The following ROR2 variants were observed in gnomAD, a reference collection of about 807,000 sequenced individuals.
The protein encoded by ROR2 is tyrosine-protein kinase transmembrane receptor ROR2.
ROR2 carries 33 observed loss-of-function variants against 74.9 expected under a neutral mutation model. That is an observed-to-expected ratio of 0.44 (90% confidence interval 0.33 to 0.59). The LOEUF is 0.59. Ranked by LOEUF, ROR2 falls within the 20% of genes least tolerant of loss-of-function variation. The pLI is 0.02. For synonymous variants in ROR2, 586 were observed against 558.7 expected, an observed-to-expected ratio of 1.05 and a Z score of -0.69; for missense variants, 1,216 against 1,313.8, an observed-to-expected ratio of 0.93 and a Z score of 1.15.
chr9:91,944,455 C>G (rs1281720165), intron 1 of ROR2, among the ~76,000 whole-genome samples: 1 of 152,158 alleles, frequency 6.6e-6, no homozygotes, highest in African/African-American at 2.4e-5. Flanking sequence ...GATGATACGA[C>G]TTTACATACA....
chr9:91,926,543 CAAA>C (rs34550588), intron 1 of ROR2, among the ~76,000 whole-genome samples: 6 of 101,134 alleles, frequency 5.9e-5, no homozygotes, highest in Admixed American at 1.2e-4. Flanking sequence ...GACTCCATCT[CAAA>C]AAAAAAAAAA....
At position 91,724,139 on chromosome 9, in the gene ROR2, G is replaced by T; in HGVS notation, c.2355C>A (p.Arg785=). The T allele has an allele frequency of 6.2e-7, 1 of 1,611,246 alleles. No homozygotes were observed. The highest frequency in any genetic ancestry group is 8.5e-7 in the Non-Finnish European group (1 of 1,179,996). ...TSPVSNVSNA[R]YVGPKQKAPP... is the part of the protein sequence containing the mutation. ...GGGCCTTCTGCTTGGGCCCCACGTA[G>T]CGGGCGTTGCTCACATTGCTCACTG... The change falls in exon 9 of 9, where the codon CGC becomes CGA. Residue 785 remains arginine, a synonymous_variant. Transcript: ENST00000375708.
At chr9:91,778,346 G>A (rs1826490705) in intron 1 of ROR2, among the ~76,000 whole-genome samples, 2 of 152,248 alleles carry the variant, frequency 1.3e-5, no homozygotes. Context: ...GGTGGTGACT[G>A]CCAACCCGAT....
chr9:91,793,437 G>A (rs1314707598), intron 1 of ROR2, among the ~76,000 whole-genome samples: 1 of 151,696 alleles, frequency 6.6e-6, no homozygotes, highest in African/African-American at 2.4e-5. Context: ...AATGATCACA[G>A]ACTTAAGCAT....
At chr9:91,799,699 C>T (rs1827309863) in intron 1 of ROR2, among the ~76,000 whole-genome samples, 1 of 152,220 alleles carries the variant, frequency 6.6e-6, no homozygotes, top group South Asian at 2.1e-4. Flanking sequence ...TGAACTGTGT[C>T]TCACATTCCT....
At chr9:91,762,286 G>T (rs1468329886) in intron 2 of ROR2, among the ~76,000 whole-genome samples, 2 of 152,156 alleles carry the variant, frequency 1.3e-5, no homozygotes, top group African/African-American at 4.8e-5. Context: ...AATCCCATTT[G>T]CAAGTTTTTA....
rs962361326 is a variant in ROR2, at chr9:91,793,376, GA to G, written c.98-17559del. On this transcript the variant is annotated intron_variant, in intron 1 of 8. Coordinates refer to ENST00000375708, the MANE Select transcript of ROR2 (RefSeq NM_004560.4). ...TCACTGGAACAGGACAGTTATTTGA[GA>G]AAAAAAAAAGCTGAAGTCCTATCTC... 1.4e-3 allele frequency among the ~76,000 whole-genome samples: 211 copies of G among 146,226 alleles called. 2 individuals carry two copies. Among genetic ancestry groups the G allele is most frequent in the African/African-American group, 4.7e-3 (187 of 40,002 alleles).
chr9:91,787,187 C>T (rs1826832492), intron 1 of ROR2, among the ~76,000 whole-genome samples: 1 of 152,200 alleles, frequency 6.6e-6, no homozygotes, highest in Admixed American at 6.5e-5. Context: ...TATACTGGCT[C>T]AGATGTGACC....
chr9:91,795,209 C>T (rs1035195485), intron 1 of ROR2, among the ~76,000 whole-genome samples: 5 of 152,128 alleles, frequency 3.3e-5, no homozygotes, highest in Admixed American at 2.6e-4. Context: ...TGCCTCTAAT[C>T]GCCCCATGCA....
At chr9:91,912,332 G>C (rs921172630) in intron 1 of ROR2, among the ~76,000 whole-genome samples, 1 of 152,152 alleles carries the variant, frequency 6.6e-6, no homozygotes, top group African/African-American at 2.4e-5. Flanking sequence ...TATTAGTACA[G>C]TAGCAAAATT....
chr9:91,789,964 A>G (rs765757395), intron 1 of ROR2, among the ~76,000 whole-genome samples: 6 of 152,214 alleles, frequency 3.9e-5, no homozygotes, highest in Non-Finnish European at 7.3e-5. Context: ...AAACACAAAT[A>G]GGTTTAAAAG....
At chr9:91,831,981 G>A (rs540336797) in intron 1 of ROR2, among the ~76,000 whole-genome samples, 4 of 152,200 alleles carry the variant, frequency 2.6e-5, no homozygotes, top group East Asian at 1.9e-4. Context: ...CCAGACCAAC[G>A]GGTGCCTCCT....
intron 1 of ROR2, among the ~76,000 whole-genome samples, chr9:91,857,012 C>T (rs1356844284): frequency 6.6e-6 from 1 of 152,214 alleles, no homozygotes; most frequent in East Asian, 1.9e-4. Context: ...CTCCAGAATC[C>T]GTGTTCACTC....
intron 1 of ROR2, among the ~76,000 whole-genome samples, chr9:91,845,274 C>A (rs921210678): frequency 6.6e-6 from 1 of 152,082 alleles, no homozygotes; most frequent in Non-Finnish European, 1.5e-5. Context: ...CAGGCCCTGA[C>A]CACCTGGTAA....
chr9:91,849,820 C>T (rs1282908597), intron 1 of ROR2, among the ~76,000 whole-genome samples: 2 of 152,172 alleles, frequency 1.3e-5, no homozygotes, highest in Non-Finnish European at 2.9e-5. Flanking sequence ...GTAGGAATAT[C>T]GTGTTTTGAA....
intron 1 of ROR2, among the ~76,000 whole-genome samples, chr9:91,812,235 T>C (rs1463085654): frequency 6.6e-6 from 1 of 152,182 alleles, no homozygotes; most frequent in Non-Finnish European, 1.5e-5. Context: ...CTTCGGCTCC[T>C]TGTGTGTGTT....
At chr9:91,937,239 C>A (rs1341514043) in intron 1 of ROR2, among the ~76,000 whole-genome samples, 2 of 152,100 alleles carry the variant, frequency 1.3e-5, no homozygotes, top group Non-Finnish European at 2.9e-5. Flanking sequence ...CACTGTTGGT[C>A]TGGCAGGAAG....
chr9:91,875,944 T>C (rs561834969), intron 1 of ROR2, among the ~76,000 whole-genome samples: 80 of 151,882 alleles, frequency 5.3e-4, no homozygotes, highest in African/African-American at 1.8e-3. Flanking sequence ...TGTGAATGTA[T>C]AGATGGACAC....
intron 4 of ROR2, among the ~76,000 whole-genome samples, chr9:91,739,226 G>T (rs548257959): frequency 1.3e-3 from 205 of 152,316 alleles, no homozygotes; most frequent in Non-Finnish European, 2.6e-3. Flanking sequence ...TCAATTTAAG[G>T]CTAGGCACAG....
Sources: allele counts gnomAD v4.1 joint callset (sites outside exome capture counted in the v4.1 genomes callset), GRCh38; gene constraint gnomAD v4.1.1; transcripts MANE v1.5; gene names NCBI Gene and HGNC (gene_info 2026-07-23, HGNC 2026-07-21).